Variants in BOC observed in about 807,000 individuals in gnomAD.
The protein encoded by BOC is BOC cell adhesion associated, oncogene regulated, also known as brother of CDO.
BOC carries 76 observed loss-of-function variants against 112.0 expected under a neutral mutation model. The observed-to-expected ratio is 0.68, with a 90% CI of 0.56 to 0.82. The LOEUF (loss-of-function observed/expected upper bound fraction) is 0.82, where lower values mean the gene tolerates loss of function less well. Ranked by LOEUF, BOC falls within the 40% of genes least tolerant of loss-of-function variation. The pLI, the probability that BOC is intolerant of heterozygous loss-of-function variation, is 0.00. For synonymous variants in BOC, 580 were observed against 599.8 expected (o/e 0.97, Z 0.48); for missense variants, 1,309 against 1,511.7 (o/e 0.87, Z 2.22).
At position 113,279,903 on chromosome 3, in the gene BOC, G is replaced by C. The variant is rs751120408; in HGVS notation, c.2103G>C (p.Val701=). ...SEPSAPSRPY[V]VSGYSGRVYE... ...CCAGCGCCCCCTCTCGGCCCTACGTGGTGTCGGGCTACAGCGGTCGCGTGT... is the reference window on the plus strand; with the variant it reads ...CCAGCGCCCCCTCTCGGCCCTACGTCGTGTCGGGCTACAGCGGTCGCGTGT... Residue 701 remains valine (V), a synonymous_variant, in exon 13 of 20, where the codon GTG becomes GTC. Transcript: ENST00000682979. The C allele has an allele frequency of 1.2e-6, 2 of 1,614,014 alleles. No homozygotes were observed. Among genetic ancestry groups the C allele is most frequent in the African/African-American group, 2.7e-5 (2 of 75,048 alleles).
chr3:113,213,370 A>G (rs1426249454), intron 1 of BOC, among the ~76,000 whole-genome samples: 2 of 152,200 alleles, frequency 1.3e-5, no homozygotes, highest in African/African-American at 4.8e-5. Flanking sequence ...TGACCATTGG[A>G]TGAATGTCAT....
At chr3:113,281,258 A>G in intron 15 of BOC, 105 bp downstream of exon 15, 1 of 1,379,972 alleles carries the variant, frequency 7.2e-7, no homozygotes, top group Non-Finnish European at 9.8e-7. Context: ...TCCCAGGAAG[A>G]CTCTTTGTTT....
rs147843514 is a variant in BOC, at chr3:113,272,482, G to A, written c.740G>A (p.Ser247Asn). The A allele has an allele frequency of 2.0e-4, 317 of 1,614,018 alleles. No individual in the cohort carries two copies. Among genetic ancestry groups the A allele is most frequent in the Middle Eastern group, 6.6e-4 (4 of 6,084 alleles). The change falls in exon 7 of 20, where the codon AGT becomes AAT. Residue 247 changes from serine to asparagine, a missense_variant. Coordinates refer to ENST00000682979, the MANE Select transcript of BOC (RefSeq NM_001378074.1). Reference protein sequence around the residue: ...AQTIIVTKGQSLILECVASGI... With the variant: ...AQTIIVTKGQNLILECVASGI... The stretch of plus-strand genomic sequence containing the variant: ...ACCATCATCGTCACCAAAGGCCAGA[G>A]TCTCATTCTGGAGTGTGTGGCCAGT...
At chr3:113,245,711 A>G (rs61035513) in intron 2 of BOC, among the ~76,000 whole-genome samples, 12,092 of 152,272 alleles carry the variant, frequency 0.079, 759 homozygotes, top group African/African-American at 0.17. Context: ...CCAATGGAAC[A>G]AAAGACTTTG....
In BOC at chr3:113,278,907, A is replaced by ACCAC. The variant is rs1948924280; in HGVS notation, c.1816+125_1816+128dup. 2 of 797,658 alleles carry ACCAC rather than the reference A, an allele frequency of 2.5e-6. No homozygotes were observed. The highest frequency in any genetic ancestry group is 5.3e-5 in the Admixed American group (2 of 37,758). 49.4% of individuals were successfully genotyped at this position (797,658 alleles called of 1,614,324 possible). On this transcript the variant is annotated intron_variant, in intron 11 of 19. Transcript: ENST00000682979. This position sits in a 1 kb window ranked among gnomAD's most constrained non-coding sequence, Gnocchi z 4.2. ...GGGTTTTTATGACATCTCCCAGTTA[A>ACCAC]CCACAATGAGGAAATGTAGTTTGGA...
rs536764905 is a variant in BOC at position 113,236,359 on chromosome 3, T to C, written c.-81-13363T>C. On this transcript the variant is annotated intron_variant, in intron 2 of 19. Coordinates refer to ENST00000682979, the MANE Select transcript of BOC (RefSeq NM_001378074.1). ...ATAAAAAAGAATGGAATCATGTCTT[T>C]TGCAGCAACATAGATAGAACTGGAG... Among the ~76,000 whole-genome samples, 7 of 130,198 alleles carry C rather than the reference T, an allele frequency of 5.4e-5. No individual in the cohort carries two copies. The East Asian group carries it at 1.1e-3, about 20-fold the overall frequency. The allele number at this position is 130,198 out of a possible 152,430, so 85.4% of individuals were successfully genotyped here. A position where few individuals can be genotyped will look rare whatever the true frequency, so the allele number is the denominator to read the frequency against.
intron 2 of BOC, among the ~76,000 whole-genome samples, chr3:113,249,040 A>T (rs1223892218): frequency 6.6e-6 from 1 of 152,114 alleles, no homozygotes; most frequent in Non-Finnish European, 1.5e-5. Flanking sequence ...CTGGCTTATG[A>T]CTTTGGGCTG....
At chr3:113,262,258 A>T (rs571335170) in intron 4 of BOC, among the ~76,000 whole-genome samples, 11 of 152,356 alleles carry the variant, frequency 7.2e-5, no homozygotes, top group African/African-American at 1.9e-4. Flanking sequence ...TACAGTGTTG[A>T]CTTAGGCTGG....
intron 2 of BOC, among the ~76,000 whole-genome samples, chr3:113,235,972 A>C (rs1943379568): frequency 6.6e-6 from 1 of 152,002 alleles, no homozygotes; most frequent in Non-Finnish European, 1.5e-5. Context: ...TGGAAATGTA[A>C]CTTAGCACAA....
chr3:113,224,572 G>T (rs1941330731), intron 2 of BOC, among the ~76,000 whole-genome samples: 1 of 151,930 alleles, frequency 6.6e-6, no homozygotes, highest in South Asian at 2.1e-4. Flanking sequence ...GAGGGGGTGG[G>T]GGTGGGGGGT....
At chr3:113,243,042 C>T (rs1367074196) in intron 2 of BOC, among the ~76,000 whole-genome samples, 2 of 152,166 alleles carry the variant, frequency 1.3e-5, no homozygotes, top group Non-Finnish European at 2.9e-5. Flanking sequence ...CCAGGCATCT[C>T]CATGGGTAAA....
At chr3:113,261,451 C>T (rs1946866117) in intron 4 of BOC, among the ~76,000 whole-genome samples, 1 of 152,112 alleles carries the variant, frequency 6.6e-6, no homozygotes, top group African/African-American at 2.4e-5. Flanking sequence ...CCAAAAGAAA[C>T]TCCCCAGTTC....
chr3:113,265,340 G>A (rs1404038814), intron 4 of BOC, among the ~76,000 whole-genome samples: 2 of 151,938 alleles, frequency 1.3e-5, no homozygotes, highest in East Asian at 3.9e-4. Flanking sequence ...CTTGGAATGA[G>A]GTGAAGAAAA....
chr3:113,270,660 T>C lies in BOC; in HGVS notation c.524-141T>C, dbSNP rs867550911. 7.6e-6 allele frequency: 7 copies of C among 922,554 alleles called. No homozygotes were observed. In the African/African-American group the frequency reaches 1.0e-4, roughly 13 times the overall value. 57.1% of individuals were successfully genotyped at this position (922,554 alleles called of 1,614,324 possible). On this transcript the variant is annotated intron_variant, in intron 5 of 19. Coordinates refer to ENST00000682979, the MANE Select transcript of BOC (RefSeq NM_001378074.1). ...GGAGAACGGCATCTTAGGCTTTGTC[T>C]TGTGGGGACTCAGGTGGACATCAGC...
rs1559878023 is a variant in BOC at position 113,276,581 on chromosome 3, A to G, written c.1543-1514A>G. On this transcript the variant is annotated intron_variant, in intron 9 of 19. Coordinates refer to ENST00000682979, the MANE Select transcript of BOC (RefSeq NM_001378074.1). ...AAGATCACCCGAGAAAGAATTTGAA[A>G]TCGAAAGTCAGCATTCGGGCTGTGT... Among the ~76,000 whole-genome samples, 3 of 152,218 alleles carry G rather than the reference A, an allele frequency of 2.0e-5. No individual in the cohort carries two copies. The South Asian group carries it at 6.2e-4, about 32-fold the overall frequency.
chr3:113,232,449 G>A (rs1209996599), intron 2 of BOC, among the ~76,000 whole-genome samples: 1 of 152,228 alleles, frequency 6.6e-6, no homozygotes, highest in African/African-American at 2.4e-5. Flanking sequence ...ATATTTGGGG[G>A]TCAGGGAGGT....
intron 4 of BOC, among the ~76,000 whole-genome samples, chr3:113,264,320 A>G (rs1399068908): frequency 1.3e-5 from 2 of 152,228 alleles, no homozygotes; most frequent in East Asian, 1.9e-4. Flanking sequence ...AGGTAAGAGG[A>G]TTAAAGCTGC....
chr3:113,244,328 C>T (rs1944649286), intron 2 of BOC, among the ~76,000 whole-genome samples: 1 of 152,100 alleles, frequency 6.6e-6, no homozygotes, highest in Admixed American at 6.5e-5. Context: ...TAATTAAAAG[C>T]CAAGGCACAC....
At chr3:113,243,924 G>A (rs540530880) in intron 2 of BOC, among the ~76,000 whole-genome samples, 1 of 152,340 alleles carries the variant, frequency 6.6e-6, no homozygotes, top group South Asian at 2.1e-4. Flanking sequence ...GTGGTTTTGT[G>A]CAACAAACCT....
Sources: allele counts gnomAD v4.1 joint callset (sites outside exome capture counted in the v4.1 genomes callset), GRCh38; gene constraint gnomAD v4.1.1; non-coding constraint Gnocchi (gnomAD v3.1); transcripts MANE v1.5; gene names NCBI Gene and HGNC (gene_info 2026-07-23, HGNC 2026-07-21).